The following GALNTL6 variants were observed in gnomAD, a reference collection of about 807,000 sequenced individuals.
GALNTL6 encodes polypeptide N-acetylgalactosaminyltransferase like 6, also known as polypeptide N-acetylgalactosaminyltransferase-like 6.
GALNTL6 carries 46 observed loss-of-function variants against 73.7 expected under a neutral mutation model. The observed-to-expected ratio is 0.62, with a 90% confidence interval of 0.49 to 0.80. The LOEUF (loss-of-function observed/expected upper bound fraction) is 0.80, where lower values mean the gene tolerates loss of function less well. Ranked by LOEUF, GALNTL6 falls within the 30% of genes least tolerant of loss-of-function variation. The probability of loss-of-function intolerance (pLI) is 0.00; values close to 1 mark genes in which losing one functional copy is unlikely to be tolerated. For missense variants in GALNTL6, 604 were observed against 755.0 expected, an observed-to-expected ratio of 0.80 and a Z score of 2.34; for synonymous variants, 259 against 263.7, an observed-to-expected ratio of 0.98 and a Z score of 0.17.
At chr4:171,904,113 C>T (rs2110948400) in intron 2 of GALNTL6, among the ~76,000 whole-genome samples, 1 of 152,306 alleles carries the variant, frequency 6.6e-6, no homozygotes, top group South Asian at 2.1e-4. Context: ...GAACGTAGTT[C>T]CTCACCAGCA....
intron 2 of GALNTL6, among the ~76,000 whole-genome samples, chr4:172,158,275 T>A (rs1734345834): frequency 6.6e-6 from 1 of 152,130 alleles, no homozygotes; most frequent in South Asian, 2.1e-4. Context: ...GTCATGAAAT[T>A]TTTTTCAAGA....
intron 5 of GALNTL6, among the ~76,000 whole-genome samples, chr4:172,698,518 C>A (rs865785268): frequency 6.6e-6 from 1 of 152,182 alleles, no homozygotes; most frequent in Non-Finnish European, 1.5e-5. Flanking sequence ...CTTCCTTTCC[C>A]TTGACAAATT....
rs114556226 is a variant in GALNTL6 at position 172,306,775 on chromosome 4, G to A, written c.248-4839G>A. On this transcript the variant is annotated intron_variant, in intron 3 of 12. Coordinates refer to ENST00000506823, the MANE Select transcript of GALNTL6 (RefSeq NM_001034845.3). ...GATGGTCTACAGCTCCATACAGGTTGCTACAAATGCCATTATTTCATTCCT... is the reference window on the plus strand; with the variant it reads ...GATGGTCTACAGCTCCATACAGGTTACTACAAATGCCATTATTTCATTCCT... Among the ~76,000 whole-genome samples the A allele has an allele frequency of 7.6e-3, 1,158 of 152,312 alleles. 14 individuals carry two copies. The highest frequency in any genetic ancestry group is 0.026 in the African/African-American group (1,091 of 41,568).
At chr4:172,569,690 G>A (rs1461075396) in intron 5 of GALNTL6, among the ~76,000 whole-genome samples, 2 of 152,096 alleles carry the variant, frequency 1.3e-5, no homozygotes, top group African/African-American at 4.8e-5. Context: ...AAGTCATAAA[G>A]GGAAAAAAAA....
chr4:172,353,408 CTATT>C (rs1346232612), intron 5 of GALNTL6, among the ~76,000 whole-genome samples: 1 of 152,114 alleles, frequency 6.6e-6, no homozygotes, highest in Admixed American at 6.5e-5. Context: ...TTTGTTTATA[CTATT>C]TAGTGTGCAA....
intron 2 of GALNTL6, among the ~76,000 whole-genome samples, chr4:172,177,644 A>G (rs191082731): frequency 2.9e-3 from 432 of 151,402 alleles, no homozygotes; most frequent in Non-Finnish European, 4.2e-3. Flanking sequence ...ATATCATTTT[A>G]TATTCTCAAC....
In GALNTL6 at chr4:172,176,493, C is replaced by A. The variant is rs188383156; in HGVS notation, c.139-53163C>A. Among the ~76,000 whole-genome samples, 38 of 151,572 alleles carry A rather than the reference C, an allele frequency of 2.5e-4. No homozygotes were observed. In the East Asian group the frequency reaches 5.4e-3, roughly 22 times the overall value. ...AAGGAAAGCAGATAATAGAATGTAG[C>A]CATTTGGGGACAGTAAGGAACCATG... On this transcript the variant is annotated intron_variant, in intron 2 of 12. Coordinates refer to ENST00000506823, the MANE Select transcript of GALNTL6 (RefSeq NM_001034845.3).
intron 3 of GALNTL6, among the ~76,000 whole-genome samples, chr4:172,231,129 G>A (rs1316843256): frequency 6.6e-6 from 1 of 152,068 alleles, no homozygotes; most frequent in Non-Finnish European, 1.5e-5. Flanking sequence ...GAATGGTCGT[G>A]AAAATGAGTT....
chr4:172,613,977 G>C (rs1415627675), intron 5 of GALNTL6, among the ~76,000 whole-genome samples: 2 of 152,020 alleles, frequency 1.3e-5, no homozygotes, highest in Non-Finnish European at 2.9e-5. Context: ...GATTAGATTT[G>C]AACTAAAAAT....
chr4:172,200,102 T>C (rs1190236158), intron 2 of GALNTL6, among the ~76,000 whole-genome samples: 1 of 152,176 alleles, frequency 6.6e-6, no homozygotes, highest in African/African-American at 2.4e-5. Context: ...CAATAGTTAA[T>C]GTCCTCAAAA....
chr4:172,706,129 C>T (rs918942034), intron 5 of GALNTL6, among the ~76,000 whole-genome samples: 2 of 151,964 alleles, frequency 1.3e-5, no homozygotes, highest in Non-Finnish European at 2.9e-5. Context: ...TTAGGCTATC[C>T]TCTAGATTTG....
At chr4:172,153,056 TA>T (rs1194023358) in intron 2 of GALNTL6, among the ~76,000 whole-genome samples, 1 of 152,212 alleles carries the variant, frequency 6.6e-6, no homozygotes, top group Admixed American at 6.5e-5. Flanking sequence ...CCTAAAGTTA[TA>T]CATAAAAATT....
intron 5 of GALNTL6, among the ~76,000 whole-genome samples, chr4:172,608,244 T>C (rs773369262): frequency 2.0e-5 from 3 of 152,160 alleles, no homozygotes; most frequent in Non-Finnish European, 4.4e-5. Context: ...GGTTTTCTTC[T>C]TGGACTTTTT....
intron 5 of GALNTL6, among the ~76,000 whole-genome samples, chr4:172,657,639 G>A (rs1406263961): frequency 6.6e-6 from 1 of 152,170 alleles, no homozygotes; most frequent in Non-Finnish European, 1.5e-5. Flanking sequence ...ATGAAGGGAA[G>A]GGTGTGAACT....
At chr4:172,680,257 A>C (rs1429682136) in intron 5 of GALNTL6, among the ~76,000 whole-genome samples, 1 of 152,182 alleles carries the variant, frequency 6.6e-6, no homozygotes, top group African/African-American at 2.4e-5. Flanking sequence ...GTCATAGGGA[A>C]GCTGCCAGTC....
chr4:171,862,150 G>A (rs1158357147), intron 2 of GALNTL6, among the ~76,000 whole-genome samples: 2 of 152,038 alleles, frequency 1.3e-5, no homozygotes, highest in Non-Finnish European at 2.9e-5. Context: ...CTATACTATG[G>A]CAATTTATGT....
chr4:172,852,473 T>C (rs1291562793), intron 7 of GALNTL6, among the ~76,000 whole-genome samples: 1 of 152,170 alleles, frequency 6.6e-6, no homozygotes, highest in Non-Finnish European at 1.5e-5. Context: ...AGTGCTAGGA[T>C]AGAGAGTTTC....
chr4:173,009,932 G>A (rs1324913602), intron 11 of GALNTL6, among the ~76,000 whole-genome samples: 1 of 152,158 alleles, frequency 6.6e-6, no homozygotes, highest in Non-Finnish European at 1.5e-5. Context: ...ATACAGTCAT[G>A]CAATGCATAA....
intron 2 of GALNTL6, among the ~76,000 whole-genome samples, chr4:172,167,946 A>G (rs1326652225): frequency 6.9e-6 from 1 of 145,504 alleles, no homozygotes; most frequent in Non-Finnish European, 1.5e-5. Flanking sequence ...GGCCTGGGCA[A>G]CAGAGCGAGA....
Sources: gnomAD v4.1 joint callset for allele counts (sites outside exome capture counted in the v4.1 genomes callset) on GRCh38, gnomAD v4.1.1 for gene constraint, MANE v1.5 for transcripts, NCBI Gene and HGNC (gene_info 2026-07-23, HGNC 2026-07-21) for gene names.